The following ESPNL variants were observed in gnomAD, a reference collection of about 807,000 sequenced individuals.
ESPNL encodes the protein espin-like protein.
Under a neutral mutation model 46.8 loss-of-function variants are expected in ESPNL, and 49 were observed. The ratio of observed to expected loss-of-function variants is 1.05; its 90% CI spans 0.83 to 1.33. The LOEUF (loss-of-function observed/expected upper bound fraction) is 1.33, where lower values mean the gene tolerates loss of function less well. Ranked by LOEUF, ESPNL falls within the 40% of genes most tolerant of loss-of-function variation. The pLI, the probability that ESPNL is intolerant of heterozygous loss-of-function variation, is 0.00. For synonymous variants in ESPNL, 664 were observed against 662.1 expected, an observed-to-expected ratio of 1.00 and a Z score of -0.04; for missense variants, 1,540 against 1,436.6, an observed-to-expected ratio of 1.07 and a Z score of -1.16.
At chr2:238,115,079 G>C (rs4663844) in intron 4 of ESPNL, among the ~76,000 whole-genome samples, 1 of 152,086 alleles carries the variant, frequency 6.6e-6, no homozygotes, top group East Asian at 1.9e-4. Context: ...TCTTGCGGTG[G>C]TTCTGGCTCT....
Position 238,102,130 on chromosome 2 carries a change from A to T in ESPNL, c.484A>T (p.Ser162Cys). ...CAAGCTCCTGACAGCCGCGCATGGC[A>T]GGTAAGGAGCCCAAAGTCCCGCCTG... Reference protein sequence around the residue: ...CLKLLTAAHGSSVNRRTRSGA... With the variant: ...CLKLLTAAHGCSVNRRTRSGA... The change falls in exon 2 of 9, where the codon AGC becomes TGC. Residue 162 changes from serine to cysteine, a missense_variant and splice_region_variant. Coordinates refer to ENST00000343063, the MANE Select transcript of ESPNL (RefSeq NM_194312.4). 6.5e-7 allele frequency: 1 copy of T among 1,535,276 alleles called. No homozygotes were observed. Among genetic ancestry groups the T allele is most frequent in the Non-Finnish European group, 8.8e-7 (1 of 1,138,658 alleles).
At chr2:238,123,652 A>C (rs1574740883) in intron 5 of ESPNL, among the ~76,000 whole-genome samples, 1 of 151,360 alleles carries the variant, frequency 6.6e-6, no homozygotes, top group East Asian at 1.9e-4. Context: ...GACACCTCCC[A>C]CTCCTGGGGG....
Position 238,130,581 on chromosome 2 carries a change from C to T in ESPNL, c.1867C>T (p.Arg623Trp), listed in dbSNP as rs755309512. The T allele has an allele frequency of 5.8e-5, 92 of 1,574,572 alleles. No homozygotes were observed. The highest frequency in any genetic ancestry group is 7.5e-5 in the Non-Finnish European group (87 of 1,160,394). The change falls in exon 9 of 9, where the codon CGG becomes TGG. Residue 623 changes from arginine to tryptophan, a missense_variant. By Grantham distance (101) the Arg-to-Trp change is moderately radical. Coordinates refer to ENST00000343063, the MANE Select transcript of ESPNL (RefSeq NM_194312.4). ...LVQGDEKPSTRPLQDTCREAS... is the reference protein window; with the variant it reads ...LVQGDEKPSTWPLQDTCREAS... ...ACAGGGGGATGAGAAGCCATCCACC[C>T]GGCCCCTGCAGGACACCTGCAGGGA...
chr2:238,120,930 C>G (rs775381481), intron 5 of ESPNL, among the ~76,000 whole-genome samples: 1 of 152,236 alleles, frequency 6.6e-6, no homozygotes, highest in Non-Finnish European at 1.5e-5. Flanking sequence ...ACAGCACAGC[C>G]TGTATCTGCC....
chr2:238,130,048 A>C lies in ESPNL; in HGVS notation c.1414-80A>C. The stretch of plus-strand genomic sequence containing the variant: ...CCAGAGGCTCTGCAGAGATACTGAG[A>C]ACTCAGGGACTTGGAAGCTAGGTGG... On this transcript the variant is annotated intron_variant, in intron 8 of 8. Coordinates refer to ENST00000343063, the MANE Select transcript of ESPNL (RefSeq NM_194312.4). 2.0e-6 allele frequency: 3 copies of C among 1,487,562 alleles called. No homozygotes were observed. The East Asian group carries it at 6.9e-5, about 34-fold the overall frequency. The allele number at this position is 1,487,562 out of a possible 1,614,324, so 92.1% of individuals were successfully genotyped here. A position where few individuals can be genotyped will look rare whatever the true frequency, so the allele number is the denominator to read the frequency against.
chr2:238,119,393 A>AGGGCGAATGGAGGAGGTGAACGGAGGAG (rs1355612135), intron 5 of ESPNL, among the ~76,000 whole-genome samples: 4 of 78,164 alleles, frequency 5.1e-5, no homozygotes, highest in Admixed American at 1.1e-4. Flanking sequence ...TGGATGCAGG[A>AGGGCGAATGGAGGAGGTGAACGGAGGAG]GGTGGATGGA....
intron 4 of ESPNL, 101 bp from the exon 5 acceptor site, chr2:238,116,802 C>A: frequency 7.0e-7 from 1 of 1,436,582 alleles, no homozygotes; most frequent in Non-Finnish European, 9.5e-7. Context: ...GGCATCAGGG[C>A]AGCCTGCGCC....
Position 238,127,712 on chromosome 2 carries a change from C to T in ESPNL, c.1193C>T (p.Thr398Ile). 1 of 1,612,006 alleles carries T rather than the reference C, an allele frequency of 6.2e-7. No homozygotes were observed. ...MTSPAPPRII[T>I]SATADPEGTE... Reference sequence around the variant, plus strand: ...AGCCCGGCCCCTCCGAGGATCATCACCAGTGCCACGGCTGACCCCGAGGTT... The same window carrying T: ...AGCCCGGCCCCTCCGAGGATCATCATCAGTGCCACGGCTGACCCCGAGGTT... The change falls in exon 7 of 9, where the codon ACC (threonine) becomes ATC (isoleucine). Residue 398 changes from threonine (T) to isoleucine (I), a missense_variant. By Grantham distance (89) the Thr-to-Ile change is moderately conservative. Coordinates refer to ENST00000343063, the MANE Select transcript of ESPNL (RefSeq NM_194312.4).
At chr2:238,108,974 AG>A (rs1249641507) in intron 4 of ESPNL, among the ~76,000 whole-genome samples, 1 of 152,030 alleles carries the variant, frequency 6.6e-6, no homozygotes, top group Non-Finnish European at 1.5e-5. Context: ...TCTTTCTCTG[AG>A]GCCCCCCAGC....
chr2:238,108,496 C>T (rs780631596), intron 4 of ESPNL, among the ~76,000 whole-genome samples: 1 of 152,208 alleles, frequency 6.6e-6, no homozygotes, highest in Non-Finnish European at 1.5e-5. Context: ...TGGCCCTGCC[C>T]GGGTGCCCAC....
At chr2:238,109,477 A>G (rs1233091097) in intron 4 of ESPNL, among the ~76,000 whole-genome samples, 15 of 152,206 alleles carry the variant, frequency 9.9e-5, no homozygotes, top group Admixed American at 9.8e-4. Flanking sequence ...CAGCCTCCTG[A>G]GTAGCTGGGA....
Position 238,130,320 on chromosome 2 carries a change from G to C in ESPNL, c.1606G>C (p.Glu536Gln). The C allele has an allele frequency of 2.5e-6, 4 of 1,607,496 alleles. No homozygotes were observed. The highest frequency in any genetic ancestry group is 3.4e-6 in the Non-Finnish European group (4 of 1,177,624). The change falls in exon 9 of 9, where the codon GAG becomes CAG. Residue 536 changes from glutamate (E) to glutamine (Q), a missense_variant. Coordinates refer to ENST00000343063, the MANE Select transcript of ESPNL (RefSeq NM_194312.4). Reference protein sequence around the residue: ...YESELGRLAAELQALLPEPLV... With the variant: ...YESELGRLAAQLQALLPEPLV... The stretch of plus-strand genomic sequence containing the variant: ...GAGTGAGCTGGGCCGGTTGGCGGCT[G>C]AGCTGCAGGCCCTGCTGCCCGAGCC...
In ESPNL at chr2:238,130,570, A is replaced by C; in HGVS notation, c.1856A>C (p.Lys619Thr). 6.3e-7 allele frequency: 1 copy of C among 1,582,096 alleles called. No homozygotes were observed. Among genetic ancestry groups the C allele is most frequent in the Non-Finnish European group, 8.6e-7 (1 of 1,164,492 alleles). ...GVHGLVQGDE[K>T]PSTRPLQDTC... ...CATGGGCTAGTACAGGGGGATGAGA[A>C]GCCATCCACCCGGCCCCTGCAGGAC... Residue 619 changes from lysine to threonine, a missense_variant, in exon 9 of 9, where the codon AAG (lysine) becomes ACG (threonine). Physicochemically the swap from Lys to Thr is moderately conservative, Grantham distance 78. Coordinates refer to ENST00000343063, the MANE Select transcript of ESPNL (RefSeq NM_194312.4).
intron 8 of ESPNL, among the ~76,000 whole-genome samples, chr2:238,129,397 T>C (rs533075091): frequency 6.6e-6 from 1 of 152,226 alleles, no homozygotes; most frequent in Non-Finnish European, 1.5e-5. Context: ...GGCAAGCACC[T>C]CCTAGGCAGA....
rs1692207939 is a variant in ESPNL, at chr2:238,128,904, G to C, written c.1413G>C (p.Gln471His). The change falls in exon 8 of 9, where the codon CAG becomes CAC. Residue 471 changes from glutamine to histidine, a missense_variant and splice_region_variant. Gln to His is a conservative substitution (Grantham distance 24, BLOSUM62 0). Coordinates refer to ENST00000343063, the MANE Select transcript of ESPNL (RefSeq NM_194312.4). ...GCGCAGAGAGCTCCGCAGAGGCCCAGGTAGGCCCCCGGCAGGGGCGGGACC... is the reference window on the plus strand; with the variant it reads ...GCGCAGAGAGCTCCGCAGAGGCCCACGTAGGCCCCCGGCAGGGGCGGGACC... ...RLGAESSAEAQDNGGSSGPTE... is the reference protein window; with the variant it reads ...RLGAESSAEAHDNGGSSGPTE... The C allele has an allele frequency of 6.5e-7, 1 of 1,537,426 alleles. No individual in the cohort carries two copies. The highest frequency in any genetic ancestry group is 1.4e-5 in the African/African-American group (1 of 72,994).
intron 8 of ESPNL, chr2:238,129,316 G>C (rs188695449): frequency 1.0e-6 from 1 of 992,194 alleles, no homozygotes; most frequent in Admixed American, 5.4e-5. Context: ...GGTGCTTAGG[G>C]GGCCCCCTCT....
intron 3 of ESPNL, 105 bp from the exon 4 acceptor site, chr2:238,107,685 CG>C: frequency 1.7e-6 from 2 of 1,173,104 alleles, no homozygotes; most frequent in South Asian, 3.1e-5. Flanking sequence ...CCCTGTGCCC[CG>C]AGAGGTACAG....
intron 5 of ESPNL, among the ~76,000 whole-genome samples, chr2:238,118,680 GA>G (rs1691888979): frequency 8.7e-6 from 1 of 114,324 alleles, no homozygotes; most frequent in Non-Finnish European, 1.8e-5. Flanking sequence ...TGGAGGAGGA[GA>G]GATGGAGGAG....
chr2:238,117,570 G>A (rs944219247), intron 5 of ESPNL, among the ~76,000 whole-genome samples: 2 of 152,250 alleles, frequency 1.3e-5, no homozygotes, highest in African/African-American at 4.8e-5. Flanking sequence ...CAACAGCCCT[G>A]CAGCAGCCGG....
Sources: allele counts gnomAD v4.1 joint callset (sites outside exome capture counted in the v4.1 genomes callset), GRCh38; gene constraint gnomAD v4.1.1; transcripts MANE v1.5; gene names NCBI Gene and HGNC (gene_info 2026-07-23, HGNC 2026-07-21).